APBB1IP: variants seen among roughly 807,000 people sequenced by gnomAD.
APBB1IP encodes amyloid beta A4 precursor protein-binding family B member 1-interacting protein.
A neutral mutation model predicts 64.9 loss-of-function variants in APBB1IP; 27 were observed. The ratio of observed to expected loss-of-function variants is 0.42; its 90% CI spans 0.31 to 0.57. APBB1IP has a LOEUF of 0.57. APBB1IP is among the 20% of genes least tolerant of loss of function. The pLI is 0.20. For synonymous variants in APBB1IP, 392 were observed against 331.0 expected (o/e 1.18, Z -2.00); for missense variants, 812 against 845.5 (o/e 0.96, Z 0.49).
rs145676870 is a variant in APBB1IP, at chr10:26,550,986, A to G, written c.1156-9119A>G. 6.3e-3 allele frequency among the ~76,000 whole-genome samples: 957 copies of G among 152,326 alleles called. 14 individuals carry two copies. Among genetic ancestry groups the G allele is most frequent in the African/African-American group, 0.022 (921 of 41,558 alleles). ...ATCCTACACTAACTCTGCCGAGGAT[A>G]CACTGTTCAAACTGCATGGGCCCTG... On this transcript the variant is annotated intron_variant, in intron 11 of 14. Transcript: ENST00000376236.
chr10:26,530,789 C>T (rs1836543144), intron 8 of APBB1IP, among the ~76,000 whole-genome samples: 1 of 152,084 alleles, frequency 6.6e-6, no homozygotes, highest in Non-Finnish European at 1.5e-5. Flanking sequence ...GTAGCAATAG[C>T]AATGGTACCT....
chr10:26,543,999 G>A (rs1021436556), intron 11 of APBB1IP, among the ~76,000 whole-genome samples: 3 of 152,182 alleles, frequency 2.0e-5, no homozygotes, highest in African/African-American at 7.2e-5. Context: ...CACTTATATG[G>A]CATTTTCTTT....
rs147500538 is a variant in APBB1IP at position 26,511,827 on chromosome 10, G to A, written c.612G>A (p.Leu204=). 8.7e-6 allele frequency: 14 copies of A among 1,614,010 alleles called. No individual in the cohort carries two copies. The African/African-American group carries it at 1.9e-4, about 22-fold the overall frequency. ...VDERQLARDV[L]DNLFEKTHCD... is the part of the protein sequence containing the mutation. ...AGCGGCAGCTGGCCCGAGATGTTCT[G>A]GACAACCTTTTCGAGAAAACTCATT... is the stretch of plus-strand genomic sequence containing the variant. The change falls in exon 7 of 15, where the codon CTG becomes CTA. Residue 204 remains leucine, a synonymous_variant. Transcript: ENST00000376236.
chr10:26,555,923 A>G (rs1239292234), intron 11 of APBB1IP, among the ~76,000 whole-genome samples: 1 of 152,156 alleles, frequency 6.6e-6, no homozygotes, highest in African/African-American at 2.4e-5. Context: ...TAATGTACCT[A>G]GGAATTAGCA....
chr10:26,487,862 C>T (rs959211276), intron 2 of APBB1IP, among the ~76,000 whole-genome samples: 1 of 152,094 alleles, frequency 6.6e-6, no homozygotes, highest in Non-Finnish European at 1.5e-5. Flanking sequence ...ATTCTTGTTA[C>T]TCAAATTATA....
intron 2 of APBB1IP, among the ~76,000 whole-genome samples, chr10:26,442,173 T>A (rs774264921): frequency 5.9e-5 from 9 of 152,170 alleles, no homozygotes; most frequent in Non-Finnish European, 1.3e-4. Flanking sequence ...GTCCCTGGTC[T>A]CCCCAACCAG....
Position 26,567,572 on chromosome 10 carries a change from G to T in APBB1IP, c.*84G>T, listed in dbSNP as rs1255961723. ...TGCTAGCAGATTGCCCTGACATCTT[G>T]TTCATTTCAGATAAAATGTGATGGG... On this transcript the variant is annotated 3_prime_UTR_variant, in exon 15 of 15. Coordinates refer to ENST00000376236, the MANE Select transcript of APBB1IP (RefSeq NM_019043.4). The T allele has an allele frequency of 5.4e-6, 8 of 1,470,606 alleles. No individual in the cohort carries two copies. Among genetic ancestry groups the T allele is most frequent in the South Asian group, 2.3e-5 (2 of 87,166 alleles). The allele number at this position is 1,470,606 out of a possible 1,614,324, so 91.1% of individuals were successfully genotyped here. A position where few individuals can be genotyped will look rare whatever the true frequency, so the allele number is the denominator to read the frequency against.
At chr10:26,464,795 T>A (rs997273042) in intron 2 of APBB1IP, among the ~76,000 whole-genome samples, 1 of 152,234 alleles carries the variant, frequency 6.6e-6, no homozygotes, top group Admixed American at 6.5e-5. Context: ...CTCAACATCA[T>A]GCAGTAGTTA....
chr10:26,539,562 G>A (rs994455151), intron 10 of APBB1IP, among the ~76,000 whole-genome samples: 1 of 152,006 alleles, frequency 6.6e-6, no homozygotes, highest in Non-Finnish European at 1.5e-5. Flanking sequence ...GCTGGAGAAA[G>A]GTTTCCTAAG....
intron 2 of APBB1IP, among the ~76,000 whole-genome samples, chr10:26,448,711 C>T (rs1172205008): frequency 2.0e-5 from 3 of 152,180 alleles, no homozygotes; most frequent in Non-Finnish European, 4.4e-5. Flanking sequence ...ACAAAACAAC[C>T]TCAGATAGTC....
rs374291045 is a variant in APBB1IP at position 26,479,622 on chromosome 10, C to T, written c.1-12705C>T. The stretch of plus-strand genomic sequence containing the variant: ...AAAACAATAAAAATAAAAATTGACA[C>T]GTAAGTGTATATATCTAAAAAGCAA... On this transcript the variant is annotated intron_variant, in intron 2 of 14. Transcript: ENST00000376236. Among the ~76,000 whole-genome samples the T allele has an allele frequency of 8.6e-4, 131 of 152,114 alleles. 2 individuals carry two copies. The South Asian group carries it at 0.026, about 30-fold the overall frequency.
intron 8 of APBB1IP, among the ~76,000 whole-genome samples, chr10:26,529,669 C>G (rs1040826717): frequency 1.3e-5 from 2 of 152,022 alleles, no homozygotes; most frequent in African/African-American, 2.4e-5. Flanking sequence ...GAGATGGAGT[C>G]TTGCTTTGTC....
At chr10:26,469,097 T>C (rs1045404297) in intron 2 of APBB1IP, among the ~76,000 whole-genome samples, 1 of 150,762 alleles carries the variant, frequency 6.6e-6, no homozygotes, top group African/African-American at 2.4e-5. Flanking sequence ...TCTTCTTCTT[T>C]TTTTTTTTTC....
At chr10:26,549,754 C>T (rs1836807931) in intron 11 of APBB1IP, among the ~76,000 whole-genome samples, 1 of 151,622 alleles carries the variant, frequency 6.6e-6, no homozygotes, top group South Asian at 2.1e-4. Flanking sequence ...TTTCAAAAAA[C>T]TTACTCTTTG....
intron 2 of APBB1IP, among the ~76,000 whole-genome samples, chr10:26,453,421 C>G (rs2132400322): frequency 6.6e-6 from 1 of 152,316 alleles, no homozygotes; most frequent in East Asian, 1.9e-4. Context: ...GACATGAGGA[C>G]AGCCTGCATA....
chr10:26,470,215 T>C (rs1835699896), intron 2 of APBB1IP, among the ~76,000 whole-genome samples: 1 of 152,200 alleles, frequency 6.6e-6, no homozygotes, highest in Non-Finnish European at 1.5e-5. Flanking sequence ...ATCCAGTGAA[T>C]TACATAAGAT....
intron 2 of APBB1IP, among the ~76,000 whole-genome samples, chr10:26,474,767 A>T (rs1041800471): frequency 2.6e-5 from 4 of 152,248 alleles, no homozygotes; most frequent in African/African-American, 9.6e-5. Flanking sequence ...GAGAGAAAAG[A>T]TTAATTTTTC....
chr10:26,495,132 C>T (rs948522130), intron 3 of APBB1IP, among the ~76,000 whole-genome samples: 5 of 151,660 alleles, frequency 3.3e-5, no homozygotes, highest in East Asian at 2.0e-4. Context: ...CTCAGCCTCC[C>T]GAGTAGCTGG....
At chr10:26,454,440 C>T (rs1011299063) in intron 2 of APBB1IP, among the ~76,000 whole-genome samples, 6 of 151,854 alleles carry the variant, frequency 4.0e-5, no homozygotes, top group Non-Finnish European at 8.8e-5. Context: ...GAGCTGAGAT[C>T]GTGCCACTGC....
Sources: allele counts gnomAD v4.1 joint callset (sites outside exome capture counted in the v4.1 genomes callset), GRCh38; gene constraint gnomAD v4.1.1; transcripts MANE v1.5; gene names NCBI Gene and HGNC (gene_info 2026-07-23, HGNC 2026-07-21).